Variants in YJU2 observed in about 807,000 individuals in gnomAD.
YJU2 encodes YJU2 splicing factor homolog, also known as splicing factor YJU2.
In YJU2, 28 loss-of-function variants were observed where a neutral mutation model predicts 39.6. That is an observed-to-expected ratio of 0.71 (90% CI 0.52 to 0.97). The LOEUF is 0.97. Among genes scored for constraint, YJU2 ranks in the 50% least tolerant of loss-of-function variants. The probability of loss-of-function intolerance (pLI) is 0.00; values close to 1 mark genes in which losing one functional copy is unlikely to be tolerated. For synonymous variants in YJU2, 184 were observed against 182.4 expected (o/e 1.01, Z -0.07); for missense variants, 328 against 430.4 (o/e 0.76, Z 2.11).
At chr19:4,268,439 C>A in intron 7 of YJU2, 145 bp from the exon 8 acceptor site, 1 of 608,406 alleles carries the variant, frequency 1.6e-6, no homozygotes, top group Non-Finnish European at 2.9e-6. Flanking sequence ...CAATGGGTCC[C>A]ATCAGGTGCC....
At chr19:4,255,004 C>T (rs1054386828) in intron 4 of YJU2, among the ~76,000 whole-genome samples, 9 of 146,934 alleles carry the variant, frequency 6.1e-5, no homozygotes, top group East Asian at 2.0e-4. Flanking sequence ...TGCAGGAAGC[C>T]GAGATGGCGC....
chr19:4,248,982 G>A (rs955309225), intron 1 of YJU2, among the ~76,000 whole-genome samples: 3 of 152,116 alleles, frequency 2.0e-5, no homozygotes, highest in African/African-American at 7.2e-5. Context: ...CATTTCATGT[G>A]TATTGTCATG....
chr19:4,265,393 T>C (rs2144700208), intron 6 of YJU2, among the ~76,000 whole-genome samples: 1 of 151,872 alleles, frequency 6.6e-6, no homozygotes, highest in East Asian at 1.9e-4. Flanking sequence ...GACCCACAAG[T>C]GTGTAGTGTG....
At chr19:4,253,187 C>T (rs1482690118) in intron 3 of YJU2, among the ~76,000 whole-genome samples, 4 of 142,604 alleles carry the variant, frequency 2.8e-5, no homozygotes, top group African/African-American at 1.1e-4. Context: ...TAGTGAGACC[C>T]TGTCCGTGTC....
At chr19:4,258,155 T>C in intron 4 of YJU2, 87 bp from the exon 5 acceptor site, 1 of 1,499,424 alleles carries the variant, frequency 6.7e-7, no homozygotes, top group Non-Finnish European at 8.9e-7. Context: ...GTTCCTCCCG[T>C]GGCCCGCAGT....
At chr19:4,255,879 C>T (rs551223744) in intron 4 of YJU2, among the ~76,000 whole-genome samples, 19 of 151,916 alleles carry the variant, frequency 1.3e-4, no homozygotes, top group African/African-American at 3.9e-4. Flanking sequence ...TGGTGGCACG[C>T]GCCTATAATC....
intron 2 of YJU2, 45 bp downstream of exon 2, chr19:4,249,373 G>A (rs748651867): frequency 1.5e-6 from 2 of 1,304,000 alleles, no homozygotes; most frequent in South Asian, 2.4e-5. Context: ...ATGGCTGAAG[G>A]ACGCAGTGCC....
At chr19:4,255,381 A>G (rs8106169) in intron 4 of YJU2, among the ~76,000 whole-genome samples, 1 of 151,558 alleles carries the variant, frequency 6.6e-6, no homozygotes, top group African/African-American at 2.4e-5. Context: ...TCTAGGAGTC[A>G]AAGACCAGCC....
At chr19:4,253,937 A>G (rs1970998261) in intron 3 of YJU2, among the ~76,000 whole-genome samples, 1 of 151,934 alleles carries the variant, frequency 6.6e-6, no homozygotes, top group Non-Finnish European at 1.5e-5. Flanking sequence ...CCTCCAGAGT[A>G]GCTGGGATTA....
In YJU2 at chr19:4,267,685, G is replaced by A. The variant is rs201187437; in HGVS notation, c.770G>A (p.Arg257Gln). ...CAGAGCGTTGGCAGCCTGGGCAGCC[G>A]GCCCCCGCTGTCGAGGCTGGTCGTG... is the stretch of plus-strand genomic sequence containing the variant. ...WEQSVGSLGS[R>Q]PPLSRLVVVK... Residue 257 changes from arginine (R) to glutamine (Q), a missense_variant, in exon 7 of 8, where the codon CGG (arginine) becomes CAG (glutamine). Physicochemically the swap from Arg to Gln is conservative, Grantham distance 43. Coordinates refer to ENST00000262962, the MANE Select transcript of YJU2 (RefSeq NM_018074.6). The A allele has an allele frequency of 5.6e-6, 9 of 1,613,482 alleles. No individual in the cohort carries two copies. Among genetic ancestry groups the A allele is most frequent in the East Asian group, 4.5e-5 (2 of 44,868 alleles).
chr19:4,268,477 C>G (rs548167002), intron 7 of YJU2, 107 bp from the exon 8 acceptor site: 1 of 700,910 alleles, frequency 1.4e-6, no homozygotes, highest in African/African-American at 1.8e-5. Context: ...CATTCACATG[C>G]TGTCACCTCT....
chr19:4,255,202 C>T (rs1432778388), intron 4 of YJU2, among the ~76,000 whole-genome samples: 1 of 151,492 alleles, frequency 6.6e-6, no homozygotes, highest in African/African-American at 2.4e-5. Flanking sequence ...CCAGCCTGGG[C>T]AGCAAAGCAA....
chr19:4,262,176 G>A, intron 6 of YJU2, 62 bp downstream of exon 6: 1 of 1,513,222 alleles, frequency 6.6e-7, no homozygotes, highest in Non-Finnish European at 8.9e-7. Context: ...GAAGCCAGGG[G>A]TCAGCTTGAC....
rs1297503902 is a variant in YJU2, at chr19:4,257,746, T to A, written c.406-496T>A. ...GCCTCGGCCTCCCAAAGTGCTGGGA[T>A]TACAGGCGTGACCCATAACACCCAG... On this transcript the variant is annotated intron_variant, in intron 4 of 7. Transcript: ENST00000262962. 3.9e-5 allele frequency among the ~76,000 whole-genome samples: 6 copies of A among 152,228 alleles called. No homozygotes were observed. In the East Asian group the frequency reaches 1.2e-3, roughly 29 times the overall value.
chr19:4,254,501 G>C lies in YJU2; in HGVS notation c.405+12G>C. On this transcript the variant is annotated intron_variant, in intron 4 of 7. Coordinates refer to ENST00000262962, the MANE Select transcript of YJU2 (RefSeq NM_018074.6). ...ACAACCCCATGAAGGTGAGTCGGGG[G>C]CCATGTAGGTGTTCATGGGCGCTGT... 6.4e-7 allele frequency: 1 copy of C among 1,573,096 alleles called. No individual in the cohort carries two copies. Among genetic ancestry groups the C allele is most frequent in the Non-Finnish European group, 8.6e-7 (1 of 1,157,794 alleles).
chr19:4,266,534 C>T (rs1011202872), intron 6 of YJU2, among the ~76,000 whole-genome samples: 7 of 152,270 alleles, frequency 4.6e-5, no homozygotes, highest in Admixed American at 2.0e-4. Context: ...TTCAAGCTCA[C>T]GCACCCTGGC....
chr19:4,264,331 AG>A, intron 6 of YJU2, among the ~76,000 whole-genome samples: 1 of 148,858 alleles, frequency 6.7e-6, no homozygotes. Context: ...TGTTTGACAC[AG>A]GGTCTTACTC....
intron 6 of YJU2, among the ~76,000 whole-genome samples, chr19:4,263,809 CAAA>C (rs34863832): frequency 2.2e-4 from 22 of 98,384 alleles, no homozygotes; most frequent in Admixed American, 4.5e-4. Flanking sequence ...GACTCTATCT[CAAA>C]AAAAAAAAAA....
chr19:4,267,957 C>CTT (rs1174345223), intron 7 of YJU2, among the ~76,000 whole-genome samples, 183 bp downstream of exon 7: 5 of 143,052 alleles, frequency 3.5e-5, no homozygotes, highest in East Asian at 4.0e-4. Context: ...TTTCTTTTTT[C>CTT]TTTTTTTTTT....
Sources: gnomAD v4.1 joint callset for allele counts (sites outside exome capture counted in the v4.1 genomes callset) on GRCh38, gnomAD v4.1.1 for gene constraint, MANE v1.5 for transcripts, NCBI Gene and HGNC (gene_info 2026-07-23, HGNC 2026-07-21) for gene names.